The following TELO2 variants were observed in gnomAD, a reference collection of about 807,000 sequenced individuals.
The protein encoded by TELO2 is telomere length regulation protein TEL2 homolog.
In TELO2, 71 loss-of-function variants were observed where a neutral mutation model predicts 91.0. The ratio of observed to expected loss-of-function variants is 0.78; its 90% CI spans 0.64 to 0.95. TELO2 has a LOEUF of 0.95. Among genes scored for constraint, TELO2 ranks in the 40% least tolerant of loss-of-function variants. TELO2 has a pLI of 0.00. For synonymous variants in TELO2, 584 were observed against 518.9 expected (o/e 1.13, Z -1.71); for missense variants, 1,183 against 1,141.3 (o/e 1.04, Z -0.53).
chr16:1,500,061 TC>T, intron 6 of TELO2, 34 bp from the exon 7 acceptor site: 1 of 1,592,456 alleles, frequency 6.3e-7, no homozygotes, highest in Non-Finnish European at 8.6e-7. Context: ...GGCGGCGGCC[TC>T]AGCCCAGTGG....
rs1024364370 is a variant in TELO2, at chr16:1,510,088, G to A, written c.*152G>A. ...CAGATGCAGGAAGGCCCGGCCTGCC[G>A]CTATTTATAGTGCAGCCAGTCCGCT... On this transcript the variant is annotated 3_prime_UTR_variant, in exon 21 of 21. Transcript: ENST00000262319. The A allele has an allele frequency of 5.1e-5, 33 of 645,046 alleles. No individual in the cohort carries two copies. The highest frequency in any genetic ancestry group is 4.8e-4 in the African/African-American group (26 of 54,598). The allele number at this position is 645,046 out of a possible 1,614,324, so 40.0% of individuals were successfully genotyped here.
In TELO2 at chr16:1,502,913, T is replaced by G; in HGVS notation, c.1771-18T>G. The stretch of plus-strand genomic sequence containing the variant: ...CCTCAGGTCCCGGACCACAGCAGCC[T>G]CTCCCCTGTGTCCTCAGGTGGCCGA... On this transcript the variant is annotated intron_variant, in intron 14 of 20. Coordinates refer to ENST00000262319, the MANE Select transcript of TELO2 (RefSeq NM_016111.4). 1 of 1,609,944 alleles carries G rather than the reference T, an allele frequency of 6.2e-7. No homozygotes were observed. Among genetic ancestry groups the G allele is most frequent in the Middle Eastern group, 1.6e-4 (1 of 6,062 alleles).
chr16:1,508,635 T>C (rs1237643504), intron 20 of TELO2, among the ~76,000 whole-genome samples: 1 of 152,118 alleles, frequency 6.6e-6, no homozygotes, highest in Non-Finnish European at 1.5e-5. Context: ...ACCTTTCCTT[T>C]CCCGTGGGGC....
Position 1,505,901 on chromosome 16 carries a change from C to T in TELO2, c.2034+300C>T, listed in dbSNP as rs930693066. On this transcript the variant is annotated intron_variant, in intron 16 of 20. Transcript: ENST00000262319. The surrounding 1 kb of genome is among the most constrained non-coding windows in gnomAD (Gnocchi z 4.3). ...TGCTCCACCTGAGGATGTTTAGGGG[C>T]GTCTGGAGATGTTTTTGGTTGTCAC... 1.8e-4 allele frequency among the ~76,000 whole-genome samples: 27 copies of T among 152,130 alleles called. No individual in the cohort carries two copies. Among genetic ancestry groups the T allele is most frequent in the Admixed American group, 5.9e-4 (9 of 15,278 alleles).
In TELO2 at chr16:1,497,595, G is replaced by T. The variant is rs2039540699; in HGVS notation, c.830+87G>T. 6.9e-7 allele frequency: 1 copy of T among 1,458,432 alleles called. No individual in the cohort carries two copies. Among genetic ancestry groups the T allele is most frequent in the Non-Finnish European group, 9.1e-7 (1 of 1,103,358 alleles). The allele number at this position is 1,458,432 out of a possible 1,614,324, so 90.3% of individuals were successfully genotyped here. A position where few individuals can be genotyped will look rare whatever the true frequency, so the allele number is the denominator to read the frequency against. On this transcript the variant is annotated intron_variant, in intron 5 of 20. Transcript: ENST00000262319. The surrounding 1 kb of genome is among the most constrained non-coding windows in gnomAD (Gnocchi z 4.0). ...CCATTCCTTCACGCTACTTCTCCTGGGCGCCGTGCTGCAGCTGGCACCCCC... is the reference window on the plus strand; with the variant it reads ...CCATTCCTTCACGCTACTTCTCCTGTGCGCCGTGCTGCAGCTGGCACCCCC...
rs745812219 is a variant in TELO2, at chr16:1,502,963, C to T, written c.1803C>T (p.Ala601=). 43 of 1,611,310 alleles carry T rather than the reference C, an allele frequency of 2.7e-5. No homozygotes were observed. The South Asian group carries it at 4.4e-4, about 16-fold the overall frequency. ...VADYLTSQFY[A]LNYSLRQRMD... is the part of the protein sequence containing the mutation. Reference sequence around the variant, plus strand: ...ACTATCTGACCTCACAGTTCTATGCCCTCAACTACAGCCTCCGGCAGCGCA... The same window carrying T: ...ACTATCTGACCTCACAGTTCTATGCTCTCAACTACAGCCTCCGGCAGCGCA... Residue 601 remains alanine (A), a synonymous_variant, in exon 15 of 21, where the codon GCC becomes GCT. Transcript: ENST00000262319.
At chr16:1,506,547 A>G in intron 17 of TELO2, 1 of 1,427,838 alleles carries the variant, frequency 7.0e-7, no homozygotes, top group African/African-American at 1.4e-5. Flanking sequence ...ATCTGCTCCG[A>G]TGCTGGGCTT....
Position 1,510,415 on chromosome 16 carries a change from CA to C in TELO2, c.*480del. 4.5e-6 allele frequency: 1 copy of C among 224,050 alleles called. No individual in the cohort carries two copies. Among genetic ancestry groups the C allele is most frequent in the Admixed American group, 5.2e-5 (1 of 19,098 alleles). 13.9% of individuals were successfully genotyped at this position (224,050 alleles called of 1,614,324 possible). On this transcript the variant is annotated 3_prime_UTR_variant, in exon 21 of 21. Coordinates refer to ENST00000262319, the MANE Select transcript of TELO2 (RefSeq NM_016111.4). The stretch of plus-strand genomic sequence containing the variant: ...GATGGGCTCGTGGGGCGGGATGGGA[CA>C]GGGCACGGGCTCTCAGAAAATAAAC...
At chr16:1,499,805 T>G (rs1320098874) in intron 6 of TELO2, among the ~76,000 whole-genome samples, 1 of 152,248 alleles carries the variant, frequency 6.6e-6, no homozygotes, top group Non-Finnish European at 1.5e-5. Flanking sequence ...GAACTTAAGA[T>G]GGCGAGGCCC....
chr16:1,496,156 C>T (rs1390802577), intron 3 of TELO2, among the ~76,000 whole-genome samples: 1 of 152,238 alleles, frequency 6.6e-6, no homozygotes, highest in African/African-American at 2.4e-5. Flanking sequence ...TTCCCGAGCT[C>T]CAGGCGACAG....
At position 1,502,668 on chromosome 16, in the gene TELO2, G is replaced by T; in HGVS notation, c.1677G>T (p.Val559=). The T allele has an allele frequency of 6.2e-7, 1 of 1,612,306 alleles. No homozygotes were observed. Residue 559 remains valine (V), a synonymous_variant, in exon 14 of 21, where the codon GTG becomes GTT. Coordinates refer to ENST00000262319, the MANE Select transcript of TELO2 (RefSeq NM_016111.4). ...AGGTGAGCGTGGAGCTGGCCAAGGT[G>T]CTTCTGCATCTGGAGGAGAAGACCT... ...TREVSVELAK[V]LLHLEEKTCV...
At chr16:1,506,129 C>T in intron 16 of TELO2, 109 bp from the exon 17 acceptor site, 1 of 1,238,844 alleles carries the variant, frequency 8.1e-7, no homozygotes, top group Non-Finnish European at 1.2e-6. Context: ...CCCGGGGAGG[C>T]AAGGCGAGGC....
rs758774315 is a variant in TELO2 at position 1,497,386 on chromosome 16, C to T, written c.708C>T (p.Pro236=). 1.3e-6 allele frequency: 2 copies of T among 1,549,416 alleles called. No homozygotes were observed. Among genetic ancestry groups the T allele is most frequent in the South Asian group, 2.4e-5 (2 of 83,904 alleles). ...AGGAGATCCTGGGCGTGCTGGTACC[C>T]CGGCTGGCAGCGCTCACCCAGGGCA... ...RQQEILGVLV[P]RLAALTQGSY... Residue 236 remains proline (P), a synonymous_variant, in exon 5 of 21, where the codon CCC becomes CCT. Transcript: ENST00000262319. This position sits in a 1 kb window ranked among gnomAD's most constrained non-coding sequence, Gnocchi z 4.0.
At position 1,507,659 on chromosome 16, in the gene TELO2, G is replaced by A. The variant is rs2141071270; in HGVS notation, c.2350G>A (p.Ala784Thr). The A allele has an allele frequency of 6.2e-7, 1 of 1,602,820 alleles. No homozygotes were observed. The highest frequency in any genetic ancestry group is 8.5e-7 in the Non-Finnish European group (1 of 1,179,696). ...CTCCGTCCTGCTCAGCCTGCCTGCT[G>A]CGCGCCTGCTGGAGGACCTGATGGA... ...VSSVLLSLPAARLLEDLMDEL... is the reference protein window; with the variant it reads ...VSSVLLSLPATRLLEDLMDEL... Residue 784 changes from alanine (A) to threonine (T), a missense_variant, in exon 20 of 21, where the codon GCG (alanine) becomes ACG (threonine). By Grantham distance (58) the Ala-to-Thr change is moderately conservative. Transcript: ENST00000262319.
Position 1,505,143 on chromosome 16 carries a change from C to T in TELO2, c.1843-267C>T. Reference sequence around the variant, plus strand: ...GGCATGTGGCTCTGGCGTGGCGGGACTGCGTGGCTTTAGGATGAGGCTGCG... The same window carrying T: ...GGCATGTGGCTCTGGCGTGGCGGGATTGCGTGGCTTTAGGATGAGGCTGCG... On this transcript the variant is annotated intron_variant, in intron 15 of 20. Transcript: ENST00000262319. This position sits in a 1 kb window ranked among gnomAD's most constrained non-coding sequence, Gnocchi z 4.3. 1 of 446,150 alleles carries T rather than the reference C, an allele frequency of 2.2e-6. No individual in the cohort carries two copies. Among genetic ancestry groups the T allele is most frequent in the Non-Finnish European group, 4.0e-6 (1 of 247,590 alleles). 27.6% of individuals were successfully genotyped at this position (446,150 alleles called of 1,614,324 possible).
chr16:1,501,974 G>A, intron 11 of TELO2, 73 bp from the exon 12 acceptor site: 1 of 1,594,984 alleles, frequency 6.3e-7, no homozygotes, highest in Non-Finnish European at 8.6e-7. Flanking sequence ...GGAGGAGAGA[G>A]GGGCTGGCTC....
chr16:1,494,741 T>C lies in TELO2; in HGVS notation c.335+125T>C, dbSNP rs2039417279. 9.6e-7 allele frequency: 1 copy of C among 1,038,380 alleles called. No homozygotes were observed. The highest frequency in any genetic ancestry group is 1.4e-6 in the Non-Finnish European group (1 of 735,184). The allele number at this position is 1,038,380 out of a possible 1,614,324, so 64.3% of individuals were successfully genotyped here. A position where few individuals can be genotyped will look rare whatever the true frequency, so the allele number is the denominator to read the frequency against. On this transcript the variant is annotated intron_variant, in intron 2 of 20. Transcript: ENST00000262319. The surrounding 1 kb of genome is among the most constrained non-coding windows in gnomAD (Gnocchi z 5.6). The stretch of plus-strand genomic sequence containing the variant: ...GCTAGAGAGAGAGCCTGCTCCTGGC[T>C]GAACCCCTGAACAGAAGAAGCGGTC...
Position 1,497,269 on chromosome 16 carries a change from G to A in TELO2, c.683-92G>A. 2 of 1,490,286 alleles carry A rather than the reference G, an allele frequency of 1.3e-6. No individual in the cohort carries two copies. Among genetic ancestry groups the A allele is most frequent in the Non-Finnish European group, 1.8e-6 (2 of 1,113,260 alleles). 92.3% of individuals were successfully genotyped at this position (1,490,286 alleles called of 1,614,324 possible). ...CTGGGGCTCAGCTGTGCTTACTGGGGAGCTGTGGGACTGTCCTTGCTGGAC... is the reference window on the plus strand; with the variant it reads ...CTGGGGCTCAGCTGTGCTTACTGGGAAGCTGTGGGACTGTCCTTGCTGGAC... On this transcript the variant is annotated intron_variant, in intron 4 of 20. Transcript: ENST00000262319. This position sits in a 1 kb window ranked among gnomAD's most constrained non-coding sequence, Gnocchi z 4.0.
At chr16:1,499,422 C>A in intron 6 of TELO2, 89 bp downstream of exon 6, 1 of 1,390,634 alleles carries the variant, frequency 7.2e-7, no homozygotes, top group Non-Finnish European at 1.0e-6. Flanking sequence ...GTGTCTGCTG[C>A]CTGGGAGACC....
Sources: allele counts gnomAD v4.1 joint callset (sites outside exome capture counted in the v4.1 genomes callset), GRCh38; gene constraint gnomAD v4.1.1; non-coding constraint Gnocchi (gnomAD v3.1); transcripts MANE v1.5; gene names NCBI Gene and HGNC (gene_info 2026-07-23, HGNC 2026-07-21).